The following TMEM51 variants were observed in gnomAD, a reference collection of about 807,000 sequenced individuals.
TMEM51 encodes the protein chromosome 1 open reading frame 72.
Under a neutral mutation model 13.6 loss-of-function variants are expected in TMEM51, and 8 were observed. The ratio of observed to expected loss-of-function variants is 0.59; its 90% CI spans 0.35 to 1.07. TMEM51 has a LOEUF of 1.07. Ranked by LOEUF, TMEM51 falls within the 50% of genes least tolerant of loss-of-function variation. The pLI is 0.02. For missense variants in TMEM51, 279 were observed against 330.7 expected, an observed-to-expected ratio of 0.84 and a Z score of 1.21; for synonymous variants, 147 against 144.4, an observed-to-expected ratio of 1.02 and a Z score of -0.13.
At position 15,161,853 on chromosome 1, in the gene TMEM51, C is replaced by T. The variant is rs940670297; in HGVS notation, c.-267+7899C>T. Among the ~76,000 whole-genome samples the T allele has an allele frequency of 1.3e-5, 2 of 151,240 alleles. No individual in the cohort carries two copies. The highest frequency in any genetic ancestry group is 2.4e-5 in the African/African-American group (1 of 41,110). Reference sequence around the variant, plus strand: ...CTGAGGCAGAAGAATGGCTTGAACCCGGGAGGCGGAGGTTGCAGTGAGCCG... The same window carrying T: ...CTGAGGCAGAAGAATGGCTTGAACCTGGGAGGCGGAGGTTGCAGTGAGCCG... On this transcript the variant is annotated intron_variant, in intron 1 of 3. Coordinates refer to ENST00000376008, the MANE Select transcript of TMEM51 (RefSeq NM_001136218.2). The surrounding 1 kb of genome is among the most constrained non-coding windows in gnomAD (Gnocchi z 4.0).
chr1:15,181,298 T>C (rs1209173748), intron 1 of TMEM51, among the ~76,000 whole-genome samples: 1 of 152,212 alleles, frequency 6.6e-6, no homozygotes, highest in African/African-American at 2.4e-5. Flanking sequence ...GCGAGGTCAC[T>C]CACCTGTCTA....
intron 1 of TMEM51, among the ~76,000 whole-genome samples, chr1:15,178,541 C>T (rs1179973513): frequency 2.0e-5 from 3 of 152,190 alleles, no homozygotes; most frequent in Non-Finnish European, 4.4e-5. Context: ...AGATAACGGC[C>T]GGGTCTCAAA....
At chr1:15,171,341 G>C in intron 1 of TMEM51, 1 of 1,298,422 alleles carries the variant, frequency 7.7e-7, no homozygotes, top group South Asian at 1.2e-5. Flanking sequence ...TTTGTTATAG[G>C]AATTAGTTCT....
At chr1:15,191,723 G>T in intron 1 of TMEM51, 1 of 311,398 alleles carries the variant, frequency 3.2e-6, no homozygotes, top group South Asian at 2.8e-5. Context: ...TTTTTCAGTA[G>T]TAATTGCTTC....
At chr1:15,189,406 C>T (rs987413896) in intron 1 of TMEM51, among the ~76,000 whole-genome samples, 4 of 152,034 alleles carry the variant, frequency 2.6e-5, no homozygotes, top group Admixed American at 2.6e-4. Flanking sequence ...GAAGTTTCTC[C>T]AGGCTCAGGA....
At chr1:15,190,634 T>A (rs188576131) in intron 1 of TMEM51, among the ~76,000 whole-genome samples, 1 of 152,298 alleles carries the variant, frequency 6.6e-6, no homozygotes, top group African/African-American at 2.4e-5. Flanking sequence ...TCTTAGAATC[T>A]GTGACTATTT....
intron 1 of TMEM51, among the ~76,000 whole-genome samples, chr1:15,173,280 C>T (rs1026611900): frequency 2.1e-5 from 3 of 141,454 alleles, no homozygotes; most frequent in South Asian, 2.2e-4. Context: ...AGTGCAGTGG[C>T]GCAATCTCGG....
intron 1 of TMEM51, among the ~76,000 whole-genome samples, chr1:15,166,684 A>G (rs973621416): frequency 2.6e-5 from 4 of 152,150 alleles, no homozygotes; most frequent in African/African-American, 9.7e-5. Context: ...AGAGCACTAC[A>G]CTCTAGTCTG....
intron 1 of TMEM51, among the ~76,000 whole-genome samples, chr1:15,179,010 T>C (rs142002360): frequency 2.4e-4 from 36 of 152,136 alleles, no homozygotes; most frequent in African/African-American, 8.7e-4. Flanking sequence ...GAAATCAAAA[T>C]GTGGAATGAC....
In TMEM51 at chr1:15,171,432, A is replaced by C. The variant is rs548483808; in HGVS notation, c.-267+17478A>C. On this transcript the variant is annotated intron_variant, in intron 1 of 3. Coordinates refer to ENST00000376008, the MANE Select transcript of TMEM51 (RefSeq NM_001136218.2). ...GGGGCATCGCCACCTGGCCCTGGGT[A>C]CACGGGCAAACTGGTGGAGAAGTCT... 276 of 876,810 alleles carry C rather than the reference A, an allele frequency of 3.1e-4. No individual in the cohort carries two copies. In the African/African-American group the frequency reaches 4.5e-3, roughly 14 times the overall value. The allele number at this position is 876,810 out of a possible 1,614,324, so 54.3% of individuals were successfully genotyped here.
At chr1:15,164,989 G>A (rs1443749798) in intron 1 of TMEM51, among the ~76,000 whole-genome samples, 1 of 152,020 alleles carries the variant, frequency 6.6e-6, no homozygotes, top group Admixed American at 6.6e-5. Flanking sequence ...TTGTAGTAGA[G>A]ACGAGGTTTC....
At chr1:15,173,214 CTTTTTTT>C (rs3078132) in intron 1 of TMEM51, among the ~76,000 whole-genome samples, 40 of 97,018 alleles carry the variant, frequency 4.1e-4, no homozygotes, top group African/African-American at 1.5e-3. Context: ...TGATCATATT[CTTTTTTT>C]TTTTTTTTTT....
At chr1:15,171,230 A>T (rs1249374603) in intron 1 of TMEM51, 2 of 1,303,766 alleles carry the variant, frequency 1.5e-6, no homozygotes, top group Non-Finnish European at 2.0e-6. Flanking sequence ...CGCCTGGAAG[A>T]TCGCTGTTTG....
chr1:15,197,811 G>T (rs534037080), intron 1 of TMEM51, among the ~76,000 whole-genome samples: 1 of 151,960 alleles, frequency 6.6e-6, no homozygotes, highest in African/African-American at 2.4e-5. Flanking sequence ...CCCTGATCTC[G>T]CTGTGTCTGT....
At chr1:15,179,295 G>C (rs1446913113) in intron 1 of TMEM51, among the ~76,000 whole-genome samples, 1 of 152,172 alleles carries the variant, frequency 6.6e-6, no homozygotes, top group Non-Finnish European at 1.5e-5. Context: ...CATTATGCCT[G>C]ACATTATGCA....
In TMEM51 at chr1:15,215,048, T is replaced by C; in HGVS notation, c.-40T>C. ...TGACTGCTGCCTTGTATACATTTAT[T>C]TTCTTTCTTGGAACTGGGCCTCGCC... On this transcript the variant is annotated 5_prime_UTR_variant, in exon 3 of 4. Transcript: ENST00000376008. The C allele has an allele frequency of 6.4e-7, 1 of 1,559,190 alleles. No individual in the cohort carries two copies. The highest frequency in any genetic ancestry group is 8.7e-7 in the Non-Finnish European group (1 of 1,150,694).
chr1:15,193,575 C>CTTTCTTTTT (rs1249772503), intron 1 of TMEM51, among the ~76,000 whole-genome samples: 5 of 114,644 alleles, frequency 4.4e-5, no homozygotes, highest in African/African-American at 1.8e-4. Context: ...TTCTTTCTTT[C>CTTTCTTTTT]TTTTTTTTTT....
chr1:15,168,600 G>A (rs1643116711), intron 1 of TMEM51: 1 of 1,304,470 alleles, frequency 7.7e-7, no homozygotes, highest in Non-Finnish European at 1.0e-6. Flanking sequence ...TGAGCCAAGA[G>A]AGACGAAGGC....
rs1346051783 is a variant in TMEM51 at position 15,161,649 on chromosome 1, G to C, written c.-267+7695G>C. Among the ~76,000 whole-genome samples, 1 of 151,970 alleles carries C rather than the reference G, an allele frequency of 6.6e-6. No homozygotes were observed. The highest frequency in any genetic ancestry group is 1.5e-5 in the Non-Finnish European group (1 of 68,024). On this transcript the variant is annotated intron_variant, in intron 1 of 3. Transcript: ENST00000376008. The surrounding 1 kb of genome is among the most constrained non-coding windows in gnomAD (Gnocchi z 4.0). ...GATTGGGTAATTTATAAAGAAAAGA[G>C]ATTTATTGGCCGGGCGCAGTGGCTC...
Sources: allele counts gnomAD v4.1 joint callset (sites outside exome capture counted in the v4.1 genomes callset), GRCh38; gene constraint gnomAD v4.1.1; non-coding constraint Gnocchi (gnomAD v3.1); transcripts MANE v1.5; gene names NCBI Gene and HGNC (gene_info 2026-07-23, HGNC 2026-07-21).